The following ARHGEF7 variants were observed in gnomAD, a reference collection of about 807,000 sequenced individuals.
The protein encoded by ARHGEF7 is Rho guanine nucleotide exchange factor 7.
A neutral mutation model predicts 109.8 loss-of-function variants in ARHGEF7; 33 were observed. The observed-to-expected ratio is 0.30, with a 90% CI of 0.23 to 0.40. The LOEUF is 0.40. ARHGEF7 is among the 10% of genes least tolerant of loss of function. The pLI, the probability that ARHGEF7 is intolerant of heterozygous loss-of-function variation, is 1.00. For synonymous variants in ARHGEF7, 458 were observed against 424.6 expected (o/e 1.08, Z -0.97); for missense variants, 938 against 1,098.5 (o/e 0.85, Z 2.07).
chr13:111,204,504 C>CT (rs908099210), intron 2 of ARHGEF7, among the ~76,000 whole-genome samples: 1 of 152,156 alleles, frequency 6.6e-6, no homozygotes, highest in African/African-American at 2.4e-5. Context: ...GATGAGAGCT[C>CT]TGTTTGTTTT....
chr13:111,181,447 G>C (rs2078721020), intron 2 of ARHGEF7, among the ~76,000 whole-genome samples: 1 of 152,202 alleles, frequency 6.6e-6, no homozygotes, highest in Admixed American at 6.5e-5. Flanking sequence ...CCCAGAAAGA[G>C]ATGGGACAAA....
At chr13:111,181,509 A>AAACAAC (rs889950047) in intron 2 of ARHGEF7, among the ~76,000 whole-genome samples, 2 of 151,964 alleles carry the variant, frequency 1.3e-5, no homozygotes, top group Admixed American at 1.3e-4. Flanking sequence ...TGTTTTTTTT[A>AAACAAC]AACAACAACA....
At chr13:111,294,960 G>C (rs1333138193) in intron 19 of ARHGEF7, 16 of 984,996 alleles carry the variant, frequency 1.6e-5, no homozygotes, top group Admixed American at 6.2e-5. Context: ...TGTATATAGT[G>C]GTATAAGATC....
At chr13:111,194,663 C>T (rs1338217558) in intron 2 of ARHGEF7, among the ~76,000 whole-genome samples, 3 of 152,118 alleles carry the variant, frequency 2.0e-5, no homozygotes, top group Non-Finnish European at 4.4e-5. Flanking sequence ...AACTGGTAGC[C>T]CAAAGTAAAT....
intron 2 of ARHGEF7, among the ~76,000 whole-genome samples, chr13:111,156,861 T>C (rs2076377477): frequency 6.6e-6 from 1 of 152,272 alleles, no homozygotes; most frequent in African/African-American, 2.4e-5. Flanking sequence ...TTAGCTTTTG[T>C]TCTATAGTTG....
intron 19 of ARHGEF7, among the ~76,000 whole-genome samples, chr13:111,298,928 TC>T (rs1220223509): frequency 6.6e-6 from 1 of 152,214 alleles, no homozygotes; most frequent in Non-Finnish European, 1.5e-5. Flanking sequence ...CTACATTTGA[TC>T]CTAAGATCCT....
chr13:111,183,303 GCTATAGCATT>G (rs2078943005), intron 2 of ARHGEF7, among the ~76,000 whole-genome samples: 1 of 151,736 alleles, frequency 6.6e-6, no homozygotes, highest in South Asian at 2.1e-4. Flanking sequence ...AAGGCAGACA[GCTATAGCATT>G]CTATAGCATT....
chr13:111,117,188 T>C (rs1566579786), intron 1 of ARHGEF7, among the ~76,000 whole-genome samples: 1 of 152,238 alleles, frequency 6.6e-6, no homozygotes, highest in Admixed American at 6.5e-5. Context: ...TATGCTGTAT[T>C]GATAAAAACA....
intron 5 of ARHGEF7, among the ~76,000 whole-genome samples, chr13:111,230,170 A>G (rs928721313): frequency 6.6e-6 from 1 of 151,962 alleles, no homozygotes; most frequent in African/African-American, 2.4e-5. Flanking sequence ...TTTCGAGTTT[A>G]TTTTAAGAAA....
At chr13:111,170,717 G>A (rs1432662369) in intron 2 of ARHGEF7, among the ~76,000 whole-genome samples, 3 of 152,178 alleles carry the variant, frequency 2.0e-5, no homozygotes, top group Non-Finnish European at 2.9e-5. Context: ...GTCTGGCTCC[G>A]CTCTGGGAGG....
rs550276586 is a variant in ARHGEF7 at position 111,273,126 on chromosome 13, G to A, written c.1074-688G>A. 6.6e-6 allele frequency among the ~76,000 whole-genome samples: 1 copy of A among 152,350 alleles called. No individual in the cohort carries two copies. Among genetic ancestry groups the A allele is most frequent in the South Asian group, 2.1e-4 (1 of 4,826 alleles). ...GACACCTTCCTTCCTTACGTGTTGT[G>A]AGGATTGAATGTAACAATGCTTTTG... On this transcript the variant is annotated intron_variant, in intron 9 of 21. Transcript: ENST00000646102. This position sits in a 1 kb window ranked among gnomAD's most constrained non-coding sequence, Gnocchi z 4.5.
intron 2 of ARHGEF7, among the ~76,000 whole-genome samples, chr13:111,167,360 A>T (rs1172243080): frequency 6.6e-6 from 1 of 152,170 alleles, no homozygotes; most frequent in Non-Finnish European, 1.5e-5. Context: ...AGAGCCTCAA[A>T]AGGAAACACA....
chr13:111,189,397 G>T (rs561973160), intron 2 of ARHGEF7, among the ~76,000 whole-genome samples: 111 of 152,196 alleles, frequency 7.3e-4, no homozygotes, highest in African/African-American at 2.5e-3. Flanking sequence ...GACTTCAGGA[G>T]TGAAGCCGCA....
At position 111,258,764 on chromosome 13, in the gene ARHGEF7, A is replaced by T. The variant is rs889955399; in HGVS notation, c.951-8784A>T. Among the ~76,000 whole-genome samples the T allele has an allele frequency of 6.6e-6, 1 of 152,184 alleles. No individual in the cohort carries two copies. Among genetic ancestry groups the T allele is most frequent in the Admixed American group, 6.5e-5 (1 of 15,278 alleles). On this transcript the variant is annotated intron_variant, in intron 8 of 21. Transcript: ENST00000646102. The surrounding 1 kb of genome is among the most constrained non-coding windows in gnomAD (Gnocchi z 4.4). Reference sequence around the variant, plus strand: ...CCAGCCACAGTGAGGTGGAACATCAAGTGGGCTCTTGGGAGTCCCCAGTTT... The same window carrying T: ...CCAGCCACAGTGAGGTGGAACATCATGTGGGCTCTTGGGAGTCCCCAGTTT...
intron 1 of ARHGEF7, among the ~76,000 whole-genome samples, chr13:111,142,080 G>A (rs1038809434): frequency 1.3e-5 from 2 of 152,084 alleles, no homozygotes; most frequent in Non-Finnish European, 2.9e-5. Context: ...AATATATGAT[G>A]TTGGATATCT....
intron 2 of ARHGEF7, among the ~76,000 whole-genome samples, chr13:111,155,486 A>C (rs921812163): frequency 6.6e-6 from 1 of 152,228 alleles, no homozygotes; most frequent in Admixed American, 6.5e-5. Context: ...GTGCTAGGGG[A>C]GATTCCAAGA....
At position 111,267,536 on chromosome 13, in the gene ARHGEF7, G is replaced by T. The variant is rs752316007; in HGVS notation, c.951-12G>T. 1.2e-6 allele frequency: 2 copies of T among 1,613,110 alleles called. No individual in the cohort carries two copies. The highest frequency in any genetic ancestry group is 1.7e-5 in the Admixed American group (1 of 60,000). ...ACTGATGACTATTTCCCTTTGTGTC[G>T]CATTTCTCCAGGTTGCCCGAAGCTC... On this transcript the variant is annotated splice_polypyrimidine_tract_variant and intron_variant, in intron 8 of 21. Coordinates refer to ENST00000646102, the MANE Select transcript of ARHGEF7 (RefSeq NM_001354046.2).
At chr13:111,128,363 C>T (rs1295609478) in intron 1 of ARHGEF7, among the ~76,000 whole-genome samples, 2 of 152,136 alleles carry the variant, frequency 1.3e-5, no homozygotes, top group Admixed American at 6.5e-5. Flanking sequence ...TGTGGTGGCT[C>T]ACACCTGTAA....
chr13:111,137,169 A>G (rs576604297), intron 1 of ARHGEF7, among the ~76,000 whole-genome samples: 1 of 152,364 alleles, frequency 6.6e-6, no homozygotes, highest in South Asian at 2.1e-4. Context: ...CAGAGGTACA[A>G]GGAGGAGCTG....
Sources: allele counts gnomAD v4.1 joint callset (sites outside exome capture counted in the v4.1 genomes callset), GRCh38; gene constraint gnomAD v4.1.1; non-coding constraint Gnocchi (gnomAD v3.1); transcripts MANE v1.5; gene names NCBI Gene and HGNC (gene_info 2026-07-23, HGNC 2026-07-21).